The following GOLGA2 variants were observed in gnomAD, a reference collection of about 807,000 sequenced individuals.
GOLGA2 encodes golgin A2, also known as golgin subfamily A member 2.
A neutral mutation model predicts 148.8 loss-of-function variants in GOLGA2; 49 were observed. That is an observed-to-expected ratio of 0.33 (90% CI 0.26 to 0.42). GOLGA2 has a LOEUF of 0.42. GOLGA2 is among the 10% of genes least tolerant of loss of function. The pLI is 1.00. For missense variants in GOLGA2, 1,178 were observed against 1,304.6 expected (o/e 0.90, Z 1.49); for synonymous variants, 501 against 511.8 (o/e 0.98, Z 0.28).
In GOLGA2 at chr9:128,260,440, G is replaced by T; in HGVS notation, c.1758+25C>A. 1 of 1,561,824 alleles carries T rather than the reference G, an allele frequency of 6.4e-7. No homozygotes were observed. The highest frequency in any genetic ancestry group is 8.8e-7 in the Non-Finnish European group (1 of 1,138,148). Reference sequence around the variant, plus strand: ...GGTCTGGAGGGCTAGGGAGGAGGGCGGGCTCTCCAGGTGGGGCAGCGCACC... The same window carrying T: ...GGTCTGGAGGGCTAGGGAGGAGGGCTGGCTCTCCAGGTGGGGCAGCGCACC... On this transcript the variant is annotated intron_variant, in intron 18 of 26. Transcript: ENST00000611957. The surrounding 1 kb of genome is among the most constrained non-coding windows in gnomAD (Gnocchi z 4.8).
At position 128,267,982 on chromosome 9, in the gene GOLGA2, G is replaced by A. The variant is rs113956312; in HGVS notation, c.453C>T (p.Thr151=). 3.3e-4 allele frequency: 527 copies of A among 1,613,866 alleles called. 3 individuals carry two copies. In the African/African-American group the frequency reaches 5.9e-3, roughly 18 times the overall value. The change falls in exon 6 of 27, where the codon ACC becomes ACT. Residue 151 remains threonine, a synonymous_variant. Coordinates refer to ENST00000611957, the MANE Select transcript of GOLGA2 (RefSeq NM_001366244.2). ...GTTGGGAGAGTTGTCGCAGGCTCTC[G>A]GTTGATGAGAAAGTCCTAGGGATGG... ...LMDETKTFSS[T]ESLRQLSQQL...
intron 3 of GOLGA2, among the ~76,000 whole-genome samples, chr9:128,272,127 GTTT>G (rs796122725): frequency 7.2e-6 from 1 of 138,236 alleles, no homozygotes; most frequent in Non-Finnish European, 1.6e-5. Flanking sequence ...GTTTTTTTGT[GTTT>G]TTTTTTTTTC....
In GOLGA2 at chr9:128,266,060, CAG is replaced by C. The variant is rs1830579406; in HGVS notation, c.682-42_682-41del. ...AGACAGAGCTCTTACGAGGGGGAGGCAGAGACGGCACAGCAAGGGACATGCCC... is the reference window on the plus strand; with the variant it reads ...AGACAGAGCTCTTACGAGGGGGAGGCAGACGGCACAGCAAGGGACATGCCC... On this transcript the variant is annotated intron_variant, in intron 9 of 26. Transcript: ENST00000611957. This position sits in a 1 kb window ranked among gnomAD's most constrained non-coding sequence, Gnocchi z 4.2. 1 of 1,551,816 alleles carries C rather than the reference CAG, an allele frequency of 6.4e-7. No homozygotes were observed. Among genetic ancestry groups the C allele is most frequent in the South Asian group, 1.1e-5 (1 of 89,784 alleles).
At chr9:128,265,232 C>A (rs1758283539) in intron 12 of GOLGA2, among the ~76,000 whole-genome samples, 1 of 151,968 alleles carries the variant, frequency 6.6e-6, no homozygotes, top group African/African-American at 2.4e-5. Context: ...CACACACGTT[C>A]CCTCTCTCTA....
chr9:128,259,074 C>T lies in GOLGA2; in HGVS notation c.2106G>A (p.Leu702=), dbSNP rs758262405. 8 of 1,612,094 alleles carry T rather than the reference C, an allele frequency of 5.0e-6. No individual in the cohort carries two copies. In the African/African-American group the frequency reaches 9.3e-5, roughly 19 times the overall value. ...GCTGATTCTGCTGGGTGGCAGCTTC[C>T]AGGCGCTCCTAAGGGGCCAGAAAAG... ...RQELQETQER[L]EAATQQNQQL... Residue 702 remains leucine, a synonymous_variant, in exon 21 of 27, where the codon CTG becomes CTA. Coordinates refer to ENST00000611957, the MANE Select transcript of GOLGA2 (RefSeq NM_001366244.2).
At position 128,260,293 on chromosome 9, in the gene GOLGA2, G is replaced by A. The variant is rs149575536; in HGVS notation, c.1759-104C>T. On this transcript the variant is annotated intron_variant, in intron 18 of 26. Coordinates refer to ENST00000611957, the MANE Select transcript of GOLGA2 (RefSeq NM_001366244.2). This position sits in a 1 kb window ranked among gnomAD's most constrained non-coding sequence, Gnocchi z 4.8. The stretch of plus-strand genomic sequence containing the variant: ...ATGGCACCGGGAAGGGTGGAGGCAG[G>A]TTAGAAAAATCATCCCCTCTCCCCC... 36,667 of 1,184,900 alleles carry A rather than the reference G, an allele frequency of 0.031. 676 individuals are homozygous for A. Among genetic ancestry groups the A allele is most frequent in the Middle Eastern group, 0.078 (293 of 3,754 alleles). The allele number at this position is 1,184,900 out of a possible 1,614,324, so 73.4% of individuals were successfully genotyped here. A position where few individuals can be genotyped will look rare whatever the true frequency, so the allele number is the denominator to read the frequency against.
chr9:128,261,516 C>T lies in GOLGA2; in HGVS notation c.1270G>A (p.Ala424Thr). Residue 424 changes from alanine to threonine, a missense_variant, in exon 16 of 27, where the codon GCG (alanine) becomes ACG (threonine). Transcript: ENST00000611957. The surrounding 1 kb of genome is among the most constrained non-coding windows in gnomAD (Gnocchi z 5.7). ...RQLQMERDKY[A>T]ENLKGESAMW... ...GCGCTCTCTCCTTTGAGATTCTCCG[C>T]ATATTTATCTCTCTCCATTTGTAGT... 6.2e-7 allele frequency: 1 copy of T among 1,611,198 alleles called. No individual in the cohort carries two copies. Among genetic ancestry groups the T allele is most frequent in the Non-Finnish European group, 8.5e-7 (1 of 1,177,258 alleles).
At chr9:128,273,562 G>C in intron 2 of GOLGA2, 1 of 480,388 alleles carries the variant, frequency 2.1e-6, no homozygotes, top group African/African-American at 2.0e-5. Flanking sequence ...TGGGTGTCCT[G>C]GGTGTTTAGG....
chr9:128,274,737 G>A (rs889313827), intron 1 of GOLGA2, among the ~76,000 whole-genome samples: 1 of 152,136 alleles, frequency 6.6e-6, no homozygotes, highest in Non-Finnish European at 1.5e-5. Flanking sequence ...AGAAAAGTCT[G>A]GTATACTCTT....
chr9:128,263,285 C>T (rs1217940886), intron 12 of GOLGA2, among the ~76,000 whole-genome samples, 193 bp from the exon 13 acceptor site: 4 of 152,090 alleles, frequency 2.6e-5, no homozygotes, highest in Non-Finnish European at 5.9e-5. Flanking sequence ...ACAGAGTCTC[C>T]CTCTGTCACC....
rs200250745 is a variant in GOLGA2 at position 128,265,828 on chromosome 9, T to C, written c.786A>G (p.Thr262=). ...CAGCATGCTGAGTGTGAGCCAGGGCTGTCTGTAACTCAGCTTTCTCTGATA... is the reference window on the plus strand; with the variant it reads ...CAGCATGCTGAGTGTGAGCCAGGGCCGTCTGTAACTCAGCTTTCTCTGATA... ...ILVSEKAELQ[T]ALAHTQHAAR... The change falls in exon 11 of 27, where the codon ACA becomes ACG. Residue 262 remains threonine (T), a synonymous_variant. Transcript: ENST00000611957. 1.7e-4 allele frequency: 270 copies of C among 1,614,068 alleles called. No individual in the cohort carries two copies. Among genetic ancestry groups the C allele is most frequent in the Middle Eastern group, 1.6e-4 (1 of 6,062 alleles).
At chr9:128,267,666 G>C in intron 6 of GOLGA2, 149 bp from the exon 7 acceptor site, 5 of 694,404 alleles carry the variant, frequency 7.2e-6, no homozygotes, top group Admixed American at 2.2e-5. Context: ...TTCTCTCATG[G>C]TTCTTATTTC....
intron 14 of GOLGA2, among the ~76,000 whole-genome samples, chr9:128,262,185 TAAA>T (rs58232809): frequency 4.2e-5 from 5 of 120,124 alleles, no homozygotes; most frequent in South Asian, 2.5e-4. Flanking sequence ...AGACCCCGTC[TAAA>T]AAAAAAAAAA....
Position 128,258,521 on chromosome 9 carries a change from C to T in GOLGA2, c.2223G>A (p.Glu741=). The change falls in exon 22 of 27, where the codon GAG becomes GAA. Residue 741 remains glutamate, a synonymous_variant. Coordinates refer to ENST00000611957, the MANE Select transcript of GOLGA2 (RefSeq NM_001366244.2). This position sits in a 1 kb window ranked among gnomAD's most constrained non-coding sequence, Gnocchi z 6.6. ...EEEEDEEEEE[E]EAVAVPQPMP... is the part of the protein sequence containing the mutation. ...TGGGCTGAGGTACTGCCACCGCCTC[C>T]TCCTCCTCCTCCTCCTCATCCTCCT... 3 of 1,481,666 alleles carry T rather than the reference C, an allele frequency of 2.0e-6. No individual in the cohort carries two copies. Among genetic ancestry groups the T allele is most frequent in the Non-Finnish European group, 2.7e-6 (3 of 1,114,372 alleles). 91.8% of individuals were successfully genotyped at this position (1,481,666 alleles called of 1,614,324 possible). A position where few individuals can be genotyped will look rare whatever the true frequency, so the allele number is the denominator to read the frequency against.
In GOLGA2 at chr9:128,260,913, C is replaced by T. The variant is rs1469544451; in HGVS notation, c.1421-111G>A. On this transcript the variant is annotated intron_variant, in intron 17 of 26. Coordinates refer to ENST00000611957, the MANE Select transcript of GOLGA2 (RefSeq NM_001366244.2). This position sits in a 1 kb window ranked among gnomAD's most constrained non-coding sequence, Gnocchi z 4.8. ...CTTGGCCTCCCTGCTGATGATTCCTCGCACCCGGATGTTAGCCAATCTTCC... is the reference window on the plus strand; with the variant it reads ...CTTGGCCTCCCTGCTGATGATTCCTTGCACCCGGATGTTAGCCAATCTTCC... 1.3e-5 allele frequency: 10 copies of T among 767,812 alleles called. No individual in the cohort carries two copies. The highest frequency in any genetic ancestry group is 2.1e-5 in the Non-Finnish European group (10 of 477,754). The allele number at this position is 767,812 out of a possible 1,614,324, so 47.6% of individuals were successfully genotyped here.
chr9:128,263,885 G>C (rs1830428464), intron 12 of GOLGA2, among the ~76,000 whole-genome samples: 1 of 151,200 alleles, frequency 6.6e-6, no homozygotes. Flanking sequence ...GGCCGGGTGC[G>C]GTGGCTCACG....
Position 128,258,072 on chromosome 9 carries a change from G to A in GOLGA2, c.2416C>T (p.Pro806Ser). The change falls in exon 23 of 27, where the codon CCT (proline) becomes TCT (serine). Residue 806 changes from proline (P) to serine (S), a missense_variant. Around this residue, in one of 5 missense-constraint regions of GOLGA2, gnomAD observed 529 missense variants for 521.8 expected, o/e 1.01. Coordinates refer to ENST00000611957, the MANE Select transcript of GOLGA2 (RefSeq NM_001366244.2). The surrounding 1 kb of genome is among the most constrained non-coding windows in gnomAD (Gnocchi z 6.6). ...CCTGGGGCTGGGGCTGCTGCCTCAG[G>A]CTCCTTCTGGGCCGAGGCCAGCAGG... is the stretch of plus-strand genomic sequence containing the variant. ...AHLLASAQKE[P>S]EAAAPAPGTG... 1.9e-6 allele frequency: 3 copies of A among 1,611,094 alleles called. No individual in the cohort carries two copies. The highest frequency in any genetic ancestry group is 1.7e-6 in the Non-Finnish European group (2 of 1,179,766).
Position 128,261,303 on chromosome 9 carries a change from G to A in GOLGA2, c.1333-44C>T. On this transcript the variant is annotated intron_variant, in intron 16 of 26. Coordinates refer to ENST00000611957, the MANE Select transcript of GOLGA2 (RefSeq NM_001366244.2). The surrounding 1 kb of genome is among the most constrained non-coding windows in gnomAD (Gnocchi z 5.7). ...GAAAGGGCCCTGGAGAGGGGCTGGT[G>A]GCTGGACAGGCTACCATCTCCCTCT... 6.8e-7 allele frequency: 1 copy of A among 1,466,666 alleles called. No homozygotes were observed. Among genetic ancestry groups the A allele is most frequent in the Non-Finnish European group, 9.6e-7 (1 of 1,046,360 alleles). 90.9% of individuals were successfully genotyped at this position (1,466,666 alleles called of 1,614,324 possible). A position where few individuals can be genotyped will look rare whatever the true frequency, so the allele number is the denominator to read the frequency against.
At chr9:128,263,533 T>C (rs1469929806) in intron 12 of GOLGA2, among the ~76,000 whole-genome samples, 3 of 152,122 alleles carry the variant, frequency 2.0e-5, no homozygotes, top group Non-Finnish European at 4.4e-5. Flanking sequence ...TTCTCCTGCT[T>C]CAGCCTCCTA....
Sources: allele counts gnomAD v4.1 joint callset (sites outside exome capture counted in the v4.1 genomes callset), GRCh38; gene constraint gnomAD v4.1.1; regional missense constraint gnomAD v4.1.1; non-coding constraint Gnocchi (gnomAD v3.1); transcripts MANE v1.5; gene names NCBI Gene and HGNC (gene_info 2026-07-23, HGNC 2026-07-21).